The following ZFHX3 variants were observed in gnomAD, a reference collection of about 807,000 sequenced individuals.
The protein encoded by ZFHX3 is zinc finger homeobox protein 3.
Under a neutral mutation model 279.1 loss-of-function variants are expected in ZFHX3, and 42 were observed. That is an observed-to-expected ratio of 0.15 (90% CI 0.12 to 0.19). ZFHX3 has a LOEUF of 0.19. Ranked by LOEUF, ZFHX3 falls within the 10% of genes least tolerant of loss-of-function variation. The pLI is 1.00. For synonymous variants in ZFHX3, 2,293 were observed against 1,957.8 expected (o/e 1.17, Z -4.52); for missense variants, 4,981 against 4,754.0 (o/e 1.05, Z -1.40).
chr16:72,911,767 G>T (rs761063373), intron 3 of ZFHX3, among the ~76,000 whole-genome samples: 1 of 152,236 alleles, frequency 6.6e-6, no homozygotes, highest in Non-Finnish European at 1.5e-5. Flanking sequence ...GGACAGCACA[G>T]ATCACAGAAC....
intron 2 of ZFHX3, among the ~76,000 whole-genome samples, chr16:73,518,242 G>A (rs1218693448): frequency 1.3e-5 from 2 of 152,086 alleles, no homozygotes; most frequent in Non-Finnish European, 2.9e-5. Context: ...TTCTTTCGCT[G>A]GACTACTTAA....
At position 73,015,912 on chromosome 16, in the gene ZFHX3, C is replaced by T. The variant is rs1964085949; in HGVS notation, c.-50+31840G>A. ...CTCCAGGGGAGCCAGCTTTCCAGGACTGGGTTTTACACACCATACGGGCAC... is the reference window on the plus strand; with the variant it reads ...CTCCAGGGGAGCCAGCTTTCCAGGATTGGGTTTTACACACCATACGGGCAC... On this transcript the variant is annotated intron_variant, in intron 1 of 9. Transcript: ENST00000268489. The T allele has an allele frequency of 2.0e-5, 3 of 152,228 alleles. No individual in the cohort carries two copies. In the South Asian group the frequency reaches 6.2e-4, roughly 32 times the overall value. The allele number at this position is 152,228 out of a possible 1,614,324, so 9.4% of individuals were successfully genotyped here. A position where few individuals can be genotyped will look rare whatever the true frequency, so the allele number is the denominator to read the frequency against.
chr16:72,920,779 G>A (rs2039564813), intron 3 of ZFHX3, among the ~76,000 whole-genome samples: 1 of 151,480 alleles, frequency 6.6e-6, no homozygotes, highest in African/African-American at 2.4e-5. Context: ...AGCTTTTAAA[G>A]CAAATCCAGG....
intron 2 of ZFHX3, among the ~76,000 whole-genome samples, chr16:73,654,994 G>A (rs2052709375): frequency 2.0e-5 from 3 of 151,710 alleles, no homozygotes; most frequent in African/African-American, 7.3e-5. Context: ...CCCAGTAGCT[G>A]GGATTACAGG....
At chr16:73,325,059 A>G (rs1018691768) in intron 3 of ZFHX3, among the ~76,000 whole-genome samples, 1 of 152,218 alleles carries the variant, frequency 6.6e-6, no homozygotes, top group African/African-American at 2.4e-5. Flanking sequence ...GTTAGAGCTC[A>G]TCTGACTCTT....
chr16:72,964,310 T>C (rs1961725947), intron 1 of ZFHX3, among the ~76,000 whole-genome samples: 1 of 152,168 alleles, frequency 6.6e-6, no homozygotes. Flanking sequence ...AAACAGACCC[T>C]AAATAAATTA....
At chr16:73,597,674 C>T (rs1482598280) in intron 2 of ZFHX3, among the ~76,000 whole-genome samples, 1 of 152,188 alleles carries the variant, frequency 6.6e-6, no homozygotes, top group Non-Finnish European at 1.5e-5. Context: ...GGACTGCCAG[C>T]AGCCACCAAG....
At chr16:73,220,770 G>C (rs546659819) in intron 5 of ZFHX3, among the ~76,000 whole-genome samples, 2 of 152,232 alleles carry the variant, frequency 1.3e-5, no homozygotes, top group East Asian at 3.9e-4. Flanking sequence ...GTGTGTGTGT[G>C]TGTGTGTTTG....
At chr16:73,740,432 G>T (rs1447674517) in intron 1 of ZFHX3, among the ~76,000 whole-genome samples, 2 of 152,028 alleles carry the variant, frequency 1.3e-5, no homozygotes, top group Non-Finnish European at 1.5e-5. Flanking sequence ...CGTTGGTCAG[G>T]GCTATATATG....
Position 72,788,802 on chromosome 16 carries a change from A to C in ZFHX3, c.9474T>G (p.Thr3158=). 3.2e-6 allele frequency: 5 copies of C among 1,542,224 alleles called. No individual in the cohort carries two copies. The highest frequency in any genetic ancestry group is 4.4e-6 in the Non-Finnish European group (5 of 1,147,736). ...KPNLMGLPST[T]VPSPGLPTSG... ...AAGTGGGGAGGCCAGGGGAAGGAAC[A>C]GTTGTGCTGGGCAGACCCATCAAGT... The change falls in exon 10 of 10, where the codon ACT becomes ACG. Residue 3158 remains threonine (T), a synonymous_variant. Coordinates refer to ENST00000268489, the MANE Select transcript of ZFHX3 (RefSeq NM_006885.4).
At chr16:73,384,909 C>G (rs182717180) in intron 3 of ZFHX3, among the ~76,000 whole-genome samples, 1 of 152,172 alleles carries the variant, frequency 6.6e-6, no homozygotes, top group South Asian at 2.1e-4. Context: ...ATCCCTCCTA[C>G]GTTACCCTGA....
intron 5 of ZFHX3, among the ~76,000 whole-genome samples, chr16:73,169,891 G>T (rs976144437): frequency 9.9e-5 from 15 of 152,200 alleles, no homozygotes; most frequent in Middle Eastern, 6.8e-3. Context: ...TGTAAATTAG[G>T]TACCCCTGTT....
chr16:73,240,425 G>A (rs893757066), intron 5 of ZFHX3, among the ~76,000 whole-genome samples: 6 of 151,912 alleles, frequency 3.9e-5, no homozygotes, highest in Non-Finnish European at 8.8e-5. Flanking sequence ...CCCCATGTTC[G>A]CCAGTCTGAT....
chr16:73,519,742 G>T (rs2019580526), intron 2 of ZFHX3, among the ~76,000 whole-genome samples: 1 of 152,172 alleles, frequency 6.6e-6, no homozygotes, highest in South Asian at 2.1e-4. Flanking sequence ...CACTAGAGGG[G>T]TTGAAGTGTT....
At chr16:73,520,911 T>C (rs957382564) in intron 2 of ZFHX3, among the ~76,000 whole-genome samples, 2 of 152,202 alleles carry the variant, frequency 1.3e-5, no homozygotes, top group Admixed American at 1.3e-4. Context: ...GCACAGCTAA[T>C]AGTTCTGAAG....
intron 3 of ZFHX3, among the ~76,000 whole-genome samples, chr16:72,937,893 C>A (rs1416274029): frequency 6.6e-6 from 1 of 152,248 alleles, no homozygotes; most frequent in East Asian, 1.9e-4. Context: ...TAAAACAACA[C>A]CTTTCAGACA....
intron 1 of ZFHX3, among the ~76,000 whole-genome samples, chr16:72,981,556 T>C (rs1443401633): frequency 6.6e-6 from 1 of 152,234 alleles, no homozygotes; most frequent in Non-Finnish European, 1.5e-5. Flanking sequence ...GAATGTTTTA[T>C]AAGCACCTTA....
At position 72,958,822 on chromosome 16, in the gene ZFHX3, C is replaced by T. The variant is rs1031053699; in HGVS notation, c.1324G>A (p.Glu442Lys). ...TCCCCGTCGCCCACTTCCTGCTTCT[C>T]TCCTTCTGCCGCCCCAGAGTCCTTG... Reference protein sequence around the residue: ...EGKDSGAAEGEKQEVGDGDCF... With the variant: ...EGKDSGAAEGKKQEVGDGDCF... The change falls in exon 2 of 10, where the codon GAG (glutamate) becomes AAG (lysine). Residue 442 changes from glutamate to lysine, a missense_variant. By Grantham distance (56) the Glu-to-Lys change is moderately conservative. Transcript: ENST00000268489. 1.9e-6 allele frequency: 3 copies of T among 1,614,170 alleles called. No individual in the cohort carries two copies. In the Admixed American group the frequency reaches 5.0e-5, roughly 27 times the overall value.
chr16:72,978,443 A>C (rs1422554524), intron 1 of ZFHX3, among the ~76,000 whole-genome samples: 1 of 152,144 alleles, frequency 6.6e-6, no homozygotes, highest in African/African-American at 2.4e-5. Context: ...AAATTCCATT[A>C]GAAGAAAACT....
Sources: gnomAD v4.1 joint callset for allele counts (sites outside exome capture counted in the v4.1 genomes callset) on GRCh38, gnomAD v4.1.1 for gene constraint, MANE v1.5 for transcripts, NCBI Gene and HGNC (gene_info 2026-07-23, HGNC 2026-07-21) for gene names.